The following ZNF804A variants were observed in gnomAD, a reference collection of about 807,000 sequenced individuals.
ZNF804A encodes the protein zinc finger protein 804A.
A neutral mutation model predicts 16.5 loss-of-function variants in ZNF804A; 2 were observed. The ratio of observed to expected loss-of-function variants is 0.12; its 90% confidence interval spans 0.05 to 0.38. The LOEUF (loss-of-function observed/expected upper bound fraction) is 0.38, where lower values mean the gene tolerates loss of function less well. Among genes scored for constraint, ZNF804A ranks in the 10% least tolerant of loss-of-function variants. The pLI is 0.99. For synonymous variants in ZNF804A, 534 were observed against 489.6 expected, an observed-to-expected ratio of 1.09 and a Z score of -1.20; for missense variants, 1,473 against 1,390.7, an observed-to-expected ratio of 1.06 and a Z score of -0.94.
At chr2:184,719,064 T>G (rs1693259114) in intron 1 of ZNF804A, among the ~76,000 whole-genome samples, 1 of 152,214 alleles carries the variant, frequency 6.6e-6, no homozygotes, top group East Asian at 1.9e-4. Context: ...GTACATCTTC[T>G]GAAAACTAGC....
intron 1 of ZNF804A, among the ~76,000 whole-genome samples, chr2:184,748,478 G>C (rs1414910487): frequency 6.6e-6 from 1 of 150,876 alleles, no homozygotes; most frequent in African/African-American, 2.4e-5. Flanking sequence ...GAGATTATTT[G>C]TGTCCAGTTT....
At chr2:184,674,050 GA>G (rs1472986373) in intron 1 of ZNF804A, among the ~76,000 whole-genome samples, 1 of 152,006 alleles carries the variant, frequency 6.6e-6, no homozygotes, top group Non-Finnish European at 1.5e-5. Context: ...TGTAAATGCA[GA>G]GACACATTTA....
chr2:184,785,435 A>T (rs949820057), intron 1 of ZNF804A, among the ~76,000 whole-genome samples: 2 of 152,022 alleles, frequency 1.3e-5, no homozygotes, highest in South Asian at 4.1e-4. Flanking sequence ...TTAATTTTTT[A>T]TCTGTTAAAA....
chr2:184,768,408 A>G (rs1249830191), intron 1 of ZNF804A, among the ~76,000 whole-genome samples: 1 of 152,108 alleles, frequency 6.6e-6, no homozygotes, highest in African/African-American at 2.4e-5. Context: ...AAACATTGAA[A>G]ATACATCCTT....
At chr2:184,620,378 C>A (rs532368294) in intron 1 of ZNF804A, among the ~76,000 whole-genome samples, 1 of 151,798 alleles carries the variant, frequency 6.6e-6, no homozygotes, top group Non-Finnish European at 1.5e-5. Flanking sequence ...GAAGAATTGT[C>A]TAAGCAATAC....
intron 1 of ZNF804A, among the ~76,000 whole-genome samples, chr2:184,795,950 C>CTT (rs142809575): frequency 1.3e-5 from 2 of 148,234 alleles, no homozygotes; most frequent in Non-Finnish European, 3.0e-5. Context: ...ATGTCGAATG[C>CTT]TTTTTTTTTA....
intron 2 of ZNF804A, among the ~76,000 whole-genome samples, chr2:184,906,325 G>A (rs908304577): frequency 7.2e-5 from 11 of 151,996 alleles, no homozygotes; most frequent in African/African-American, 2.7e-4. Flanking sequence ...TTGAGGCAGG[G>A]TCTTGCTCTG....
At chr2:184,706,089 T>C (rs1425443076) in intron 1 of ZNF804A, among the ~76,000 whole-genome samples, 3 of 152,308 alleles carry the variant, frequency 2.0e-5, no homozygotes, top group African/African-American at 7.2e-5. Context: ...TCTATCAACA[T>C]AACTCTTCAC....
At chr2:184,710,096 A>G (rs1038607412) in intron 1 of ZNF804A, among the ~76,000 whole-genome samples, 1 of 151,272 alleles carries the variant, frequency 6.6e-6, no homozygotes, top group African/African-American at 2.4e-5. Context: ...CAATGGAAGA[A>G]TCTCCAAGTT....
chr2:184,904,086 T>C (rs1026536656), intron 2 of ZNF804A, among the ~76,000 whole-genome samples: 1 of 151,988 alleles, frequency 6.6e-6, no homozygotes, highest in African/African-American at 2.4e-5. Flanking sequence ...AACAAACTAC[T>C]CTAAAAGGAA....
intron 1 of ZNF804A, among the ~76,000 whole-genome samples, chr2:184,804,692 A>G (rs1251486229): frequency 6.6e-6 from 1 of 152,236 alleles, no homozygotes; most frequent in Non-Finnish European, 1.5e-5. Context: ...GTGGTAGGAA[A>G]TTTACAAAAA....
chr2:184,884,783 G>T (rs1023744168), intron 2 of ZNF804A, among the ~76,000 whole-genome samples: 4 of 152,056 alleles, frequency 2.6e-5, no homozygotes, highest in African/African-American at 9.7e-5. Flanking sequence ...CTGTACATAG[G>T]CCCTGGCAAA....
chr2:184,936,237 C>T lies in ZNF804A; in HGVS notation c.841C>T (p.Pro281Ser). 1 of 1,613,884 alleles carries T rather than the reference C, an allele frequency of 6.2e-7. No individual in the cohort carries two copies. The change falls in exon 4 of 4, where the codon CCA becomes TCA. Residue 281 changes from proline to serine, a missense_variant. By Grantham distance (74) the Pro-to-Ser change is moderately conservative. Transcript: ENST00000302277. ...GGAGAAAACTAACTCTTTTCATCCA[C>T]CAGAGGCAATGTGCAGAGACAAAGA... ...SEEKTNSFHP[P>S]EAMCRDKETV...
intron 1 of ZNF804A, among the ~76,000 whole-genome samples, chr2:184,777,239 G>GACCC (rs1408008319): frequency 6.6e-6 from 1 of 151,414 alleles, no homozygotes; most frequent in Non-Finnish European, 1.5e-5. Context: ...TAACCAACTG[G>GACCC]ACCCACCATT....
At chr2:184,790,342 G>T (rs918079439) in intron 1 of ZNF804A, among the ~76,000 whole-genome samples, 13 of 151,666 alleles carry the variant, frequency 8.6e-5, no homozygotes, top group African/African-American at 2.4e-4. Flanking sequence ...ATTACGTTCT[G>T]TAGATGTCTA....
At chr2:184,690,174 C>G (rs1692706222) in intron 1 of ZNF804A, among the ~76,000 whole-genome samples, 1 of 140,442 alleles carries the variant, frequency 7.1e-6, no homozygotes, top group Admixed American at 7.0e-5. Flanking sequence ...TGCAGCATTG[C>G]ATTAAGAAAG....
At chr2:184,739,717 T>C (rs1165452917) in intron 1 of ZNF804A, among the ~76,000 whole-genome samples, 1 of 152,144 alleles carries the variant, frequency 6.6e-6, no homozygotes, top group East Asian at 1.9e-4. Flanking sequence ...ATAGAACTAA[T>C]GCAAAATACA....
At chr2:184,742,183 A>G (rs980754418) in intron 1 of ZNF804A, among the ~76,000 whole-genome samples, 1 of 151,988 alleles carries the variant, frequency 6.6e-6, no homozygotes, top group Non-Finnish European at 1.5e-5. Context: ...ATGGTGTGTA[A>G]CTATATAGAC....
At chr2:184,928,395 C>T (rs1574274629) in intron 2 of ZNF804A, among the ~76,000 whole-genome samples, 1 of 152,056 alleles carries the variant, frequency 6.6e-6, no homozygotes, top group Admixed American at 6.6e-5. Flanking sequence ...CTCCTCTCCT[C>T]CTCTCCCCTC....
Sources: gnomAD v4.1 joint callset for allele counts (sites outside exome capture counted in the v4.1 genomes callset) on GRCh38, gnomAD v4.1.1 for gene constraint, MANE v1.5 for transcripts, NCBI Gene and HGNC (gene_info 2026-07-23, HGNC 2026-07-21) for gene names.